Variants in GRIP1 observed in about 807,000 individuals in gnomAD.
GRIP1 encodes glutamate receptor interacting protein 1.
Under a neutral mutation model 129.9 loss-of-function variants are expected in GRIP1, and 45 were observed. The observed-to-expected ratio is 0.35, with a 90% CI of 0.27 to 0.44. GRIP1 has a LOEUF of 0.44. Among genes scored for constraint, GRIP1 ranks in the 20% least tolerant of loss-of-function variants. GRIP1 has a pLI of 1.00. For missense variants in GRIP1, 1,196 were observed against 1,396.8 expected, an observed-to-expected ratio of 0.86 and a Z score of 2.29; for synonymous variants, 530 against 520.8, an observed-to-expected ratio of 1.02 and a Z score of -0.24.
chr12:67,032,719 T>C (rs2043040979), intron 1 of GRIP1, among the ~76,000 whole-genome samples: 1 of 152,042 alleles, frequency 6.6e-6, no homozygotes, highest in Admixed American at 6.6e-5. Flanking sequence ...ACCTTGGGGG[T>C]GCAAGATGTT....
rs531904165 is a variant in GRIP1, at chr12:66,399,694, G to T, written c.1985-5342C>A. On this transcript the variant is annotated intron_variant, in intron 16 of 24. Transcript: ENST00000359742. ...GTTATTTTCAGGCTTCTTGAGTGCT[G>T]CCTGTTTAACAAAATGAATGCTATC... 2.4e-3 allele frequency among the ~76,000 whole-genome samples: 365 copies of T among 151,946 alleles called. 7 individuals are homozygous for T. The highest frequency in any genetic ancestry group is 7.8e-3 in the African/African-American group (323 of 41,286).
chr12:66,383,561 TCAGCCCA>T (rs2056218946), intron 19 of GRIP1, among the ~76,000 whole-genome samples: 1 of 152,192 alleles, frequency 6.6e-6, no homozygotes, highest in Non-Finnish European at 1.5e-5. Context: ...GGCATGTCAC[TCAGCCCA>T]TTCCTGGCTT....
At chr12:66,474,638 A>C (rs1446476694) in intron 7 of GRIP1, among the ~76,000 whole-genome samples, 1 of 152,236 alleles carries the variant, frequency 6.6e-6, no homozygotes, top group East Asian at 1.9e-4. Flanking sequence ...TCTTGGCAGA[A>C]GCTCTACAAG....
upstream of GRIP1, among the ~76,000 whole-genome samples, chr12:66,683,735 T>C (rs904843937): frequency 6.6e-6 from 1 of 152,064 alleles, no homozygotes; most frequent in African/African-American, 2.4e-5. Context: ...CCACTGAACA[T>C]GAAGAGACCA....
At chr12:66,500,709 A>G (rs1161178830) in intron 7 of GRIP1, among the ~76,000 whole-genome samples, 2 of 152,178 alleles carry the variant, frequency 1.3e-5, no homozygotes, top group Non-Finnish European at 2.9e-5. Flanking sequence ...ACTCCATTAG[A>G]TGCTACAGTG....
At chr12:66,989,249 A>G (rs2042359020) in intron 1 of GRIP1, among the ~76,000 whole-genome samples, 1 of 152,238 alleles carries the variant, frequency 6.6e-6, no homozygotes. Flanking sequence ...CTGCAGCTTC[A>G]CAATTAAAAT....
At chr12:66,679,776 T>A (rs574021994), upstream of GRIP1, among the ~76,000 whole-genome samples, 148 of 152,350 alleles carry the variant, frequency 9.7e-4, no homozygotes, top group African/African-American at 3.4e-3. Flanking sequence ...CTATTTTTAA[T>A]ATACTTTATT....
chr12:66,701,567 T>C (rs1324010273), intron 1 of GRIP1, among the ~76,000 whole-genome samples: 2 of 152,174 alleles, frequency 1.3e-5, no homozygotes, highest in African/African-American at 4.8e-5. Flanking sequence ...AGGCTGCCCA[T>C]AGAAAGGCTT....
chr12:66,455,479 G>A lies in GRIP1; in HGVS notation c.1284C>T (p.Ser428=), dbSNP rs199581458. 1 of 1,613,772 alleles carries A rather than the reference G, an allele frequency of 6.2e-7. No homozygotes were observed. The highest frequency in any genetic ancestry group is 8.5e-7 in the Non-Finnish European group (1 of 1,179,646). The stretch of plus-strand genomic sequence containing the variant: ...TTCCACGTGGGCTGGTGGAGTAGAG[G>A]CTTCGAGGTAGAGTCCCCATGTTCA... The part of the protein sequence containing the change: ...SSLNMGTLPR[S]LYSTSPRGTM... The change falls in exon 11 of 25, where the codon AGC becomes AGT. Residue 428 remains serine, a synonymous_variant. Transcript: ENST00000359742.
At chr12:66,447,520 C>T (rs963997610) in intron 11 of GRIP1, among the ~76,000 whole-genome samples, 4 of 152,300 alleles carry the variant, frequency 2.6e-5, no homozygotes, top group Admixed American at 1.3e-4. Flanking sequence ...AACCCTTTGA[C>T]GAGAGTTCCT....
intron 1 of GRIP1, among the ~76,000 whole-genome samples, chr12:67,004,251 C>A (rs1011363934): frequency 1.3e-5 from 2 of 152,124 alleles, no homozygotes; most frequent in Non-Finnish European, 2.9e-5. Context: ...CTTAAAATGT[C>A]TTAATTGGCT....
At chr12:66,717,805 T>C (rs905935800) in intron 1 of GRIP1, among the ~76,000 whole-genome samples, 1 of 152,146 alleles carries the variant, frequency 6.6e-6, no homozygotes, top group Non-Finnish European at 1.5e-5. Context: ...TTTAAAAAAA[T>C]TGATTTAAAT....
At chr12:66,535,641 T>G (rs1477638605) in intron 4 of GRIP1, among the ~76,000 whole-genome samples, 1 of 152,228 alleles carries the variant, frequency 6.6e-6, no homozygotes, top group Non-Finnish European at 1.5e-5. Flanking sequence ...TCTATTTTAT[T>G]GCCTAGTCTT....
chr12:66,437,297 C>T (rs1048131901), intron 13 of GRIP1, among the ~76,000 whole-genome samples: 1 of 152,142 alleles, frequency 6.6e-6, no homozygotes. Flanking sequence ...CAGTAGTTTC[C>T]AGTTGATACT....
intron 1 of GRIP1, among the ~76,000 whole-genome samples, chr12:66,736,346 A>ATTTTTTTTTTTTTTTTTTTTTTTTTTTT (rs547706592): frequency 1.5e-5 from 1 of 67,004 alleles, no homozygotes; most frequent in South Asian, 6.4e-4. Flanking sequence ...TGCCTGGCTA[A>ATTTTTTTTTTTTTTTTTTTTTTTTTTTT]TTTTTTTTTT....
intron 1 of GRIP1, among the ~76,000 whole-genome samples, chr12:66,916,144 T>C (rs1208599530): frequency 6.6e-6 from 1 of 152,196 alleles, no homozygotes; most frequent in Non-Finnish European, 1.5e-5. Context: ...TATAAAATGA[T>C]TGTATCAGAA....
chr12:66,720,182 G>T (rs552403110), intron 1 of GRIP1, among the ~76,000 whole-genome samples: 30 of 152,144 alleles, frequency 2.0e-4, no homozygotes, highest in African/African-American at 7.2e-4. Context: ...AGAATTTTGG[G>T]GTTTCCCAGT....
chr12:66,734,753 A>C (rs1003524746), intron 1 of GRIP1, among the ~76,000 whole-genome samples: 1 of 152,176 alleles, frequency 6.6e-6, no homozygotes, highest in African/African-American at 2.4e-5. Context: ...TGTTTTGTGA[A>C]TGGTAGGAAG....
Position 66,515,680 on chromosome 12 carries a change from A to T in GRIP1, c.663T>A (p.Ser221Arg), listed in dbSNP as rs1469878422. ...LLGTTHAEAM[S>R]ILKQCGQEAA... Reference sequence around the variant, plus strand: ...CTTCTTGTCCACATTGTTTAAGAATACTCATGGCTTCAGCATGCGTAGTTC... The same window carrying T: ...CTTCTTGTCCACATTGTTTAAGAATTCTCATGGCTTCAGCATGCGTAGTTC... The change falls in exon 7 of 25, where the codon AGT (serine) becomes AGA (arginine). Residue 221 changes from serine to arginine, a missense_variant. Coordinates refer to ENST00000359742, the MANE Select transcript of GRIP1 (RefSeq NM_001366722.1). 6.2e-7 allele frequency: 1 copy of T among 1,613,400 alleles called. No individual in the cohort carries two copies. The highest frequency in any genetic ancestry group is 1.3e-5 in the African/African-American group (1 of 74,882).
Sources: gnomAD v4.1 joint callset for allele counts (sites outside exome capture counted in the v4.1 genomes callset) on GRCh38, gnomAD v4.1.1 for gene constraint, MANE v1.5 for transcripts, NCBI Gene and HGNC (gene_info 2026-07-23, HGNC 2026-07-21) for gene names.